Variants in DGKI observed in about 807,000 individuals in gnomAD.
DGKI encodes DAG kinase iota.
A neutral mutation model predicts 147.5 loss-of-function variants in DGKI; 55 were observed. The observed-to-expected ratio is 0.37, with a 90% CI of 0.30 to 0.47. DGKI has a LOEUF of 0.47. Among genes scored for constraint, DGKI ranks in the 20% least tolerant of loss-of-function variants. The pLI, the probability that DGKI is intolerant of heterozygous loss-of-function variation, is 1.00. For missense variants in DGKI, 1,007 were observed against 1,323.8 expected, an observed-to-expected ratio of 0.76 and a Z score of 3.71; for synonymous variants, 469 against 477.1, an observed-to-expected ratio of 0.98 and a Z score of 0.22.
intron 6 of DGKI, among the ~76,000 whole-genome samples, chr7:137,633,149 T>C (rs1585308679): frequency 6.8e-6 from 1 of 148,000 alleles, no homozygotes; most frequent in Admixed American, 6.7e-5. Context: ...GAGGCGGAGG[T>C]TGTGGTGAGC....
intron 12 of DGKI, among the ~76,000 whole-genome samples, chr7:137,589,060 A>G (rs926748753): frequency 6.6e-6 from 1 of 152,198 alleles, no homozygotes; most frequent in African/African-American, 2.4e-5. Context: ...CCTTCTGGAT[A>G]TGGCCAGACC....
intron 1 of DGKI, among the ~76,000 whole-genome samples, chr7:137,740,071 C>A (rs1795133909): frequency 6.6e-6 from 1 of 152,162 alleles, no homozygotes; most frequent in African/African-American, 2.4e-5. Flanking sequence ...CTGTATTTCA[C>A]AACAATTCAA....
intron 23 of DGKI, among the ~76,000 whole-genome samples, chr7:137,482,042 T>C (rs916756444): frequency 3.3e-5 from 5 of 152,088 alleles, no homozygotes; most frequent in Admixed American, 3.3e-4. Flanking sequence ...AATTCTGATG[T>C]AATCAGTTTC....
chr7:137,745,905 T>A (rs1173080425), intron 1 of DGKI, among the ~76,000 whole-genome samples: 1 of 152,184 alleles, frequency 6.6e-6, no homozygotes, highest in Non-Finnish European at 1.5e-5. Context: ...GCAAAAATTA[T>A]GGCCACAGTC....
chr7:137,604,169 A>G (rs1313167676), intron 10 of DGKI, among the ~76,000 whole-genome samples: 2 of 152,166 alleles, frequency 1.3e-5, no homozygotes, highest in African/African-American at 4.8e-5. Flanking sequence ...GGCTAGCTGG[A>G]CAAGAAGATG....
At chr7:137,623,576 C>T in intron 6 of DGKI, 22 bp from the exon 7 acceptor site, 2 of 1,607,540 alleles carry the variant, frequency 1.2e-6, no homozygotes, top group South Asian at 1.1e-5. Flanking sequence ...GAACAAGAGA[C>T]AGATAATTTA....
chr7:137,651,041 G>A (rs1226051488), intron 5 of DGKI, among the ~76,000 whole-genome samples: 1 of 152,216 alleles, frequency 6.6e-6, no homozygotes, highest in Non-Finnish European at 1.5e-5. Flanking sequence ...AAGACAGAGG[G>A]TTTGCTTTTG....
At position 137,675,617 on chromosome 7, in the gene DGKI, G is replaced by A. The variant is rs145105080; in HGVS notation, c.606+2940C>T. On this transcript the variant is annotated intron_variant, in intron 3 of 32. Transcript: ENST00000614521. ...GGAGAATTTCTTGAACCCGGGAGGC[G>A]GAGGTTGCAGTGAGCCGAGATCACA... Among the ~76,000 whole-genome samples the A allele has an allele frequency of 2.3e-3, 343 of 149,210 alleles. 2 individuals carry two copies. The highest frequency in any genetic ancestry group is 4.0e-3 in the Non-Finnish European group (268 of 67,112).
rs185487087 is a variant in DGKI, at chr7:137,503,902, C to T, written c.2249-16213G>A. The stretch of plus-strand genomic sequence containing the variant: ...CTATTATCAACATGTACTGCCCTTT[C>T]ATAAATTCCCAAACCAATTTCAGCA... On this transcript the variant is annotated intron_variant, in intron 21 of 32. Coordinates refer to ENST00000614521, the MANE Select transcript of DGKI (RefSeq NM_001321708.2). 3.5e-4 allele frequency among the ~76,000 whole-genome samples: 53 copies of T among 152,278 alleles called. No individual in the cohort carries two copies. The East Asian group carries it at 6.4e-3, about 18-fold the overall frequency.
chr7:137,655,858 G>T (rs1822199284), intron 4 of DGKI, among the ~76,000 whole-genome samples: 1 of 152,182 alleles, frequency 6.6e-6, no homozygotes, highest in Non-Finnish European at 1.5e-5. Flanking sequence ...AGGATGGCAG[G>T]CAACTCACTA....
chr7:137,460,454 G>T (rs893839923), intron 27 of DGKI, among the ~76,000 whole-genome samples: 1 of 152,168 alleles, frequency 6.6e-6, no homozygotes, highest in African/African-American at 2.4e-5. Flanking sequence ...AATGCTGAGT[G>T]AAATGGCAAG....
At chr7:137,788,795 T>C (rs1414313650) in intron 1 of DGKI, among the ~76,000 whole-genome samples, 1 of 152,104 alleles carries the variant, frequency 6.6e-6, no homozygotes, top group African/African-American at 2.4e-5. Context: ...GCTGGGGAGT[T>C]AAGTGGATTA....
At position 137,625,640 on chromosome 7, in the gene DGKI, G is replaced by A. The variant is rs1820909780; in HGVS notation, c.805-2086C>T. On this transcript the variant is annotated intron_variant, in intron 6 of 32. Coordinates refer to ENST00000614521, the MANE Select transcript of DGKI (RefSeq NM_001321708.2). ...AGACTGGGCATGGTGGCTCATGCCT[G>A]TAATTCCAGGACTTTGGGATGCTGA... Among the ~76,000 whole-genome samples, 4 of 151,502 alleles carry A rather than the reference G, an allele frequency of 2.6e-5. No individual in the cohort carries two copies. The South Asian group carries it at 8.3e-4, about 32-fold the overall frequency.
At chr7:137,442,763 C>A (rs59658886) in intron 28 of DGKI, among the ~76,000 whole-genome samples, 52,262 of 152,060 alleles carry the variant, frequency 0.34, 9,852 homozygotes, top group East Asian at 0.65. Flanking sequence ...AACTCCTTCT[C>A]CCTTTTCTTA....
At chr7:137,426,183 A>G (rs1563011764) in intron 28 of DGKI, among the ~76,000 whole-genome samples, 2 of 152,240 alleles carry the variant, frequency 1.3e-5, no homozygotes, top group Non-Finnish European at 2.9e-5. Flanking sequence ...GAAGCCCATC[A>G]GACTAACAGC....
chr7:137,557,458 T>A (rs965417591), intron 19 of DGKI, among the ~76,000 whole-genome samples: 2 of 152,176 alleles, frequency 1.3e-5, no homozygotes, highest in Admixed American at 1.3e-4. Context: ...CATTATAAAT[T>A]ATTGGAGAAA....
chr7:137,582,311 T>C (rs1413067155), intron 14 of DGKI, among the ~76,000 whole-genome samples: 1 of 152,102 alleles, frequency 6.6e-6, no homozygotes, highest in Non-Finnish European at 1.5e-5. Flanking sequence ...AGATAATGTC[T>C]AACCAACTTA....
intron 1 of DGKI, among the ~76,000 whole-genome samples, chr7:137,778,604 A>T (rs1298821710): frequency 6.6e-6 from 1 of 152,184 alleles, no homozygotes; most frequent in East Asian, 1.9e-4. Context: ...CAATTAAAAA[A>T]AAAAACTACT....
intron 1 of DGKI, among the ~76,000 whole-genome samples, chr7:137,694,848 C>T (rs1240532625): frequency 6.6e-6 from 1 of 152,160 alleles, no homozygotes; most frequent in Admixed American, 6.5e-5. Context: ...TCCCAAGCCC[C>T]GCACAAACTT....
Sources: gnomAD v4.1 joint callset for allele counts (sites outside exome capture counted in the v4.1 genomes callset) on GRCh38, gnomAD v4.1.1 for gene constraint, MANE v1.5 for transcripts, NCBI Gene and HGNC (gene_info 2026-07-23, HGNC 2026-07-21) for gene names.